TRMT9B: variants seen among roughly 807,000 people sequenced by gnomAD.
TRMT9B encodes the protein probable tRNA methyltransferase 9B.
A neutral mutation model predicts 11.5 loss-of-function variants in TRMT9B; 16 were observed. That is an observed-to-expected ratio of 1.39 (90% CI 0.94 to 2.11). The LOEUF is 2.11. Ranked by LOEUF, TRMT9B falls within the 30% of genes most tolerant of loss-of-function variation. TRMT9B has a pLI of 0.00. For missense variants in TRMT9B, 941 were observed against 553.8 expected, an observed-to-expected ratio of 1.70 and a Z score of -7.02; for synonymous variants, 274 against 192.4, an observed-to-expected ratio of 1.42 and a Z score of -3.51.
rs1029892219 is a variant in TRMT9B at position 12,990,899 on chromosome 8, T to C, written c.-134T>C. 8 of 1,289,488 alleles carry C rather than the reference T, an allele frequency of 6.2e-6. No individual in the cohort carries two copies. The East Asian group carries it at 2.2e-4, about 36-fold the overall frequency. The allele number at this position is 1,289,488 out of a possible 1,614,324, so 79.9% of individuals were successfully genotyped here. ...ATGAGAAGGACCGCACTATTTCATTTCACTCCTACAAGTTTTCATTTACGT... is the reference window on the plus strand; with the variant it reads ...ATGAGAAGGACCGCACTATTTCATTCCACTCCTACAAGTTTTCATTTACGT... On this transcript the variant is annotated 5_prime_UTR_variant, in exon 2 of 5. Transcript: ENST00000524591.
At chr8:12,996,320 G>C (rs978356016) in intron 2 of TRMT9B, among the ~76,000 whole-genome samples, 1 of 152,152 alleles carries the variant, frequency 6.6e-6, no homozygotes, top group Non-Finnish European at 1.5e-5. Context: ...TCACTTACCT[G>C]GTGCCCTAAC....
At position 12,945,946 on chromosome 8, in the gene TRMT9B, A is replaced by G. The variant is rs1800243933; in HGVS notation, c.-220A>G. 1 of 151,704 alleles carries G rather than the reference A, an allele frequency of 6.6e-6. No homozygotes were observed. Among genetic ancestry groups the G allele is most frequent in the South Asian group, 2.1e-4 (1 of 4,812 alleles). 9.4% of individuals were successfully genotyped at this position (151,704 alleles called of 1,614,324 possible). On this transcript the variant is annotated 5_prime_UTR_variant, in exon 1 of 5. Coordinates refer to ENST00000524591, the MANE Select transcript of TRMT9B (RefSeq NM_020844.3). The stretch of plus-strand genomic sequence containing the variant: ...ATGAAACCTGTGAGCTCTCCTAGCA[A>G]CTCTGCAGTCTTCCTTCAAGGTATG...
chr8:12,972,298 C>T (rs1445865423), intron 1 of TRMT9B, among the ~76,000 whole-genome samples: 3 of 152,080 alleles, frequency 2.0e-5, no homozygotes, highest in African/African-American at 4.8e-5. Context: ...CCCGTGGAGG[C>T]GGGGCTGGCC....
intron 1 of TRMT9B, among the ~76,000 whole-genome samples, chr8:12,974,480 C>T (rs770781190): frequency 6.6e-6 from 1 of 152,142 alleles, no homozygotes; most frequent in Non-Finnish European, 1.5e-5. Flanking sequence ...ATCTGTGGGC[C>T]TGCCTGAATT....
chr8:12,994,158 G>A (rs569191309), intron 2 of TRMT9B, among the ~76,000 whole-genome samples: 5 of 152,284 alleles, frequency 3.3e-5, no homozygotes, highest in African/African-American at 9.6e-5. Flanking sequence ...AGGATAAACA[G>A]AAGCTTTTAA....
rs1156765974 is a variant in TRMT9B, at chr8:13,024,175, C to G, written c.*2131C>G. Reference sequence around the variant, plus strand: ...CCTCCTGCCTCAGCCTCCCAAGTAGCTGGGACTACTGGCACCCACCACGAC... The same window carrying G: ...CCTCCTGCCTCAGCCTCCCAAGTAGGTGGGACTACTGGCACCCACCACGAC... On this transcript the variant is annotated 3_prime_UTR_variant, in exon 5 of 5. Transcript: ENST00000524591. The G allele has an allele frequency of 6.6e-6, 1 of 151,928 alleles. No individual in the cohort carries two copies. The highest frequency in any genetic ancestry group is 1.5e-5 in the Non-Finnish European group (1 of 67,948). The allele number at this position is 151,928 out of a possible 1,614,324, so 9.4% of individuals were successfully genotyped here.
At chr8:13,020,959 G>C (rs1231635799) in intron 4 of TRMT9B, 49 bp from the exon 5 acceptor site, 1 of 1,264,196 alleles carries the variant, frequency 7.9e-7, no homozygotes. Context: ...ATACGTGTGT[G>C]GGTTTATGTG....
At chr8:12,961,456 C>T (rs977006947) in intron 1 of TRMT9B, among the ~76,000 whole-genome samples, 1 of 151,996 alleles carries the variant, frequency 6.6e-6, no homozygotes, top group Non-Finnish European at 1.5e-5. Context: ...AATCCCAGCA[C>T]TTTGGGAGGC....
intron 3 of TRMT9B, chr8:13,011,540 G>C: frequency 1.1e-6 from 1 of 949,288 alleles, no homozygotes; most frequent in Non-Finnish European, 1.3e-6. Context: ...TTTCTGGAAA[G>C]TAATTAGATT....
intron 1 of TRMT9B, chr8:12,958,863 A>T (rs1261716115): frequency 6.6e-6 from 1 of 152,224 alleles, no homozygotes; most frequent in Non-Finnish European, 1.5e-5. Context: ...CAGACACCAC[A>T]TGTTCTCATT....
At chr8:12,957,300 G>A (rs1801445489) in intron 1 of TRMT9B, among the ~76,000 whole-genome samples, 2 of 152,192 alleles carry the variant, frequency 1.3e-5, no homozygotes, top group South Asian at 4.2e-4. Context: ...TGAAGTAGGT[G>A]AGCTTGATAA....
chr8:12,988,320 T>A (rs1240567056), intron 1 of TRMT9B, among the ~76,000 whole-genome samples: 1 of 152,198 alleles, frequency 6.6e-6, no homozygotes, highest in Non-Finnish European at 1.5e-5. Context: ...GGTATTGACA[T>A]TGTGATTTTG....
intron 1 of TRMT9B, among the ~76,000 whole-genome samples, chr8:12,989,672 A>G (rs1806983658): frequency 6.6e-6 from 1 of 152,216 alleles, no homozygotes; most frequent in Non-Finnish European, 1.5e-5. Context: ...TCGACTGCCC[A>G]GGTCAGAGCC....
Position 12,952,768 on chromosome 8 carries a change from C to T in TRMT9B, c.-200+6802C>T, listed in dbSNP as rs561581864. 5.5e-5 allele frequency: 43 copies of T among 776,996 alleles called. No homozygotes were observed. In the African/African-American group the frequency reaches 7.9e-4, roughly 14 times the overall value. The allele number at this position is 776,996 out of a possible 1,614,324, so 48.1% of individuals were successfully genotyped here. A position where few individuals can be genotyped will look rare whatever the true frequency, so the allele number is the denominator to read the frequency against. On this transcript the variant is annotated intron_variant, in intron 1 of 4. Coordinates refer to ENST00000524591, the MANE Select transcript of TRMT9B (RefSeq NM_020844.3). ...TTTTTTTGTTGTTGTTTGACGGAGTCTCTCTCTGTCACCCAGGCTGGAGTG... is the reference window on the plus strand; with the variant it reads ...TTTTTTTGTTGTTGTTTGACGGAGTTTCTCTCTGTCACCCAGGCTGGAGTG...
Position 13,024,874 on chromosome 8 carries a change from A to G in TRMT9B, c.*2830A>G, listed in dbSNP as rs1814503862. 1.2e-5 allele frequency: 2 copies of G among 167,004 alleles called. No individual in the cohort carries two copies. The highest frequency in any genetic ancestry group is 2.9e-5 in the Non-Finnish European group (2 of 68,120). 10.3% of individuals were successfully genotyped at this position (167,004 alleles called of 1,614,324 possible). On this transcript the variant is annotated 3_prime_UTR_variant, in exon 5 of 5. Transcript: ENST00000524591. The stretch of plus-strand genomic sequence containing the variant: ...CTCTCTTTGGGGTAGTCACATGGAA[A>G]GCTCTTTTAAATTTAACTTCCGCCT...
chr8:12,977,358 C>T (rs1391502405), intron 1 of TRMT9B, among the ~76,000 whole-genome samples: 4 of 152,062 alleles, frequency 2.6e-5, no homozygotes, highest in African/African-American at 9.7e-5. Context: ...TGGAGCAAGC[C>T]CTAGAGTGTC....
chr8:12,982,852 A>C (rs13260185), intron 1 of TRMT9B, among the ~76,000 whole-genome samples: 51,222 of 152,058 alleles, frequency 0.34, 9,665 homozygotes, highest in Middle Eastern at 0.52. Context: ...GCCACAGGAC[A>C]CATGATTTCT....
intron 3 of TRMT9B, chr8:13,012,044 C>T (rs967107319): frequency 6.1e-6 from 6 of 985,256 alleles, no homozygotes; most frequent in Non-Finnish European, 6.0e-6. Context: ...AGAGGCTACA[C>T]GTGGTCTCTC....
intron 1 of TRMT9B, among the ~76,000 whole-genome samples, chr8:12,974,785 G>C (rs2128870087): frequency 6.6e-6 from 1 of 152,288 alleles, no homozygotes; most frequent in South Asian, 2.1e-4. Context: ...GTTTTGTTTT[G>C]TTTTGTTTTT....
Sources: allele counts gnomAD v4.1 joint callset (sites outside exome capture counted in the v4.1 genomes callset), GRCh38; gene constraint gnomAD v4.1.1; transcripts MANE v1.5; gene names NCBI Gene and HGNC (gene_info 2026-07-23, HGNC 2026-07-21).